PTPRG: variants seen among roughly 807,000 people sequenced by gnomAD.
PTPRG encodes the protein protein tyrosine phosphatase receptor type G.
PTPRG carries 102 observed loss-of-function variants against 165.3 expected under a neutral mutation model. The observed-to-expected ratio is 0.62, with a 90% CI of 0.53 to 0.73. The LOEUF (loss-of-function observed/expected upper bound fraction) is 0.73, where lower values mean the gene tolerates loss of function less well. PTPRG is among the 30% of genes least tolerant of loss of function. The pLI, the probability that PTPRG is intolerant of heterozygous loss-of-function variation, is 0.00. For missense variants in PTPRG, 1,866 were observed against 1,861.4 expected, an observed-to-expected ratio of 1.00 and a Z score of -0.05; for synonymous variants, 675 against 669.5, an observed-to-expected ratio of 1.01 and a Z score of -0.13.
chr3:61,683,440 T>C (rs1047516457), intron 1 of PTPRG, among the ~76,000 whole-genome samples: 1 of 152,092 alleles, frequency 6.6e-6, no homozygotes, highest in African/African-American at 2.4e-5. Context: ...ATGTGTTTTT[T>C]TCCCTTTTAG....
intron 2 of PTPRG, among the ~76,000 whole-genome samples, chr3:61,902,587 A>G (rs1322627233): frequency 6.6e-6 from 1 of 152,198 alleles, no homozygotes; most frequent in Non-Finnish European, 1.5e-5. Flanking sequence ...TTCAGAGATA[A>G]AAGATGTAAG....
chr3:61,877,421 T>C (rs946775248), intron 2 of PTPRG, among the ~76,000 whole-genome samples: 1 of 151,858 alleles, frequency 6.6e-6, no homozygotes, highest in Non-Finnish European at 1.5e-5. Flanking sequence ...CGGCAGGGGG[T>C]TAATAAGTAA....
intron 3 of PTPRG, among the ~76,000 whole-genome samples, chr3:61,991,802 T>A (rs1295161478): frequency 6.6e-6 from 1 of 152,208 alleles, no homozygotes; most frequent in Non-Finnish European, 1.5e-5. Context: ...TTGCAACGCT[T>A]GACAGCCTTC....
intron 20 of PTPRG, among the ~76,000 whole-genome samples, chr3:62,270,190 T>C (rs1702015394): frequency 1.3e-5 from 2 of 149,510 alleles, no homozygotes; most frequent in Admixed American, 6.7e-5. Context: ...ATGGGATAAT[T>C]TTTTTTTTTT....
chr3:61,652,004 C>T (rs998181715), intron 1 of PTPRG, among the ~76,000 whole-genome samples: 31 of 151,014 alleles, frequency 2.1e-4, no homozygotes, highest in Admixed American at 1.9e-3. Flanking sequence ...AGCGAGACTT[C>T]ATCTCAATAT....
chr3:62,098,126 G>C (rs1053064311), intron 5 of PTPRG, among the ~76,000 whole-genome samples: 5 of 151,944 alleles, frequency 3.3e-5, no homozygotes, highest in African/African-American at 1.2e-4. Flanking sequence ...CTTCTATAGG[G>C]CTTGACAATT....
chr3:61,742,966 C>T (rs2033054131), intron 1 of PTPRG: 1 of 1,488,828 alleles, frequency 6.7e-7, no homozygotes, highest in African/African-American at 1.4e-5. Flanking sequence ...GCCCGAGAAG[C>T]ACTTGTCCTT....
At chr3:61,676,456 C>CAAAAAAAAA (rs71629138) in intron 1 of PTPRG, among the ~76,000 whole-genome samples, 532 of 21,812 alleles carry the variant, frequency 0.024, 88 homozygotes, top group African/African-American at 0.059. Flanking sequence ...GACTCCATCT[C>CAAAAAAAAA]AAAAAAAAAA....
At chr3:61,745,735 T>G (rs534906827) in intron 1 of PTPRG, among the ~76,000 whole-genome samples, 62 of 152,314 alleles carry the variant, frequency 4.1e-4, no homozygotes, top group Middle Eastern at 3.4e-3. Context: ...TATATGTGTG[T>G]CTGGGGTGAA....
chr3:62,273,781 C>G lies in PTPRG; in HGVS notation c.3402C>G (p.Ser1134Arg). The G allele has an allele frequency of 6.2e-7, 1 of 1,613,684 alleles. No individual in the cohort carries two copies. The highest frequency in any genetic ancestry group is 8.5e-7 in the Non-Finnish European group (1 of 1,179,694). ...AAGTATCTTCAAATCAGCTGCACAG[C>G]TATGTTAACAGCATCCTTATACCAG... ...ETEVSSNQLH[S>R]YVNSILIPGV... Residue 1134 changes from serine (S) to arginine (R), a missense_variant, in exon 23 of 30, where the codon AGC becomes AGG. By Grantham distance (110) the Ser-to-Arg change is moderately radical (BLOSUM62 -1). Coordinates refer to ENST00000474889, the MANE Select transcript of PTPRG (RefSeq NM_002841.4). The surrounding 1 kb of genome is among the most constrained non-coding windows in gnomAD (Gnocchi z 4.1).
chr3:62,211,809 G>A (rs868283693), intron 12 of PTPRG, among the ~76,000 whole-genome samples: 1 of 151,980 alleles, frequency 6.6e-6, no homozygotes, highest in Non-Finnish European at 1.5e-5. Context: ...ATTTCAGATG[G>A]GTCCATCTGA....
intron 4 of PTPRG, among the ~76,000 whole-genome samples, chr3:62,067,185 T>C (rs530223628): frequency 3.0e-4 from 46 of 152,054 alleles, no homozygotes; most frequent in African/African-American, 6.0e-4. Context: ...TAATGTTTCA[T>C]GTTGACAGGG....
At chr3:61,643,763 C>CA (rs11348108) in intron 1 of PTPRG, among the ~76,000 whole-genome samples, 7,160 of 140,296 alleles carry the variant, frequency 0.051, 225 homozygotes, top group Middle Eastern at 0.076. Context: ...GACTCTGTCT[C>CA]AAAAAAAAAA....
chr3:62,191,776 C>A, intron 9 of PTPRG, 123 bp downstream of exon 9: 1 of 1,012,690 alleles, frequency 9.9e-7, no homozygotes, highest in Non-Finnish European at 1.4e-6. Context: ...GTCTGGTGAA[C>A]ATGGGCACTG....
intron 2 of PTPRG, among the ~76,000 whole-genome samples, chr3:61,958,596 A>G (rs1157838289): frequency 2.6e-5 from 4 of 152,150 alleles, no homozygotes; most frequent in Admixed American, 2.0e-4. Context: ...CTCCATAGTT[A>G]CAGGTTTTTT....
chr3:61,896,182 A>C (rs151289224), intron 2 of PTPRG, among the ~76,000 whole-genome samples: 2 of 152,098 alleles, frequency 1.3e-5, no homozygotes, highest in African/African-American at 4.8e-5. Flanking sequence ...AGGATCCCTC[A>C]TGTTTCCCTT....
At chr3:61,967,643 A>G (rs1871393) in intron 2 of PTPRG, among the ~76,000 whole-genome samples, 36,623 of 152,102 alleles carry the variant, frequency 0.24, 5,041 homozygotes, top group African/African-American at 0.37. Context: ...TTCTGATTAG[A>G]AATGAGTGAC....
At chr3:62,109,046 T>G (rs368160948) in intron 5 of PTPRG, among the ~76,000 whole-genome samples, 112 of 152,292 alleles carry the variant, frequency 7.4e-4, no homozygotes, top group African/African-American at 2.6e-3. Flanking sequence ...CTCTTTAGTT[T>G]AATTAGATCC....
At chr3:61,818,069 T>G (rs1055794955) in intron 2 of PTPRG, among the ~76,000 whole-genome samples, 2 of 152,106 alleles carry the variant, frequency 1.3e-5, no homozygotes, top group Non-Finnish European at 1.5e-5. Flanking sequence ...ATCTACATGT[T>G]AAGAACTAGA....
Sources: gnomAD v4.1 joint callset for allele counts (sites outside exome capture counted in the v4.1 genomes callset) on GRCh38, gnomAD v4.1.1 for gene constraint, Gnocchi (gnomAD v3.1) non-coding constraint, MANE v1.5 for transcripts, NCBI Gene and HGNC (gene_info 2026-07-23, HGNC 2026-07-21) for gene names.